The following SOX9 variants were observed in gnomAD, a reference collection of about 807,000 sequenced individuals.
SOX9 encodes SRY-box transcription factor 9, also known as transcription factor SOX-9.
SOX9 carries 2 observed loss-of-function variants against 44.8 expected under a neutral mutation model. That is an observed-to-expected ratio of 0.04 (90% CI 0.02 to 0.14). The LOEUF (loss-of-function observed/expected upper bound fraction) is 0.14. Among genes scored for constraint, SOX9 ranks in the 10% least tolerant of loss-of-function variants. SOX9 has a pLI of 1.00. For missense variants in SOX9, 583 were observed against 728.6 expected (o/e 0.80, Z 2.30); for synonymous variants, 381 against 331.8 (o/e 1.15, Z -1.61).
In SOX9 at chr17:72,126,133, G is replaced by C. The variant is rs1487906812; in HGVS notation, c.*1746G>C. Reference sequence around the variant, plus strand: ...GATATATTAACAGTTTTAGAAGTCAGTAGAATAAAATCTTAAAGCACTCAT... The same window carrying C: ...GATATATTAACAGTTTTAGAAGTCACTAGAATAAAATCTTAAAGCACTCAT... On this transcript the variant is annotated 3_prime_UTR_variant, in exon 3 of 3. Transcript: ENST00000245479. 3 of 232,140 alleles carry C rather than the reference G, an allele frequency of 1.3e-5. No individual in the cohort carries two copies. The Admixed American group carries it at 1.7e-4, about 13-fold the overall frequency. The allele number at this position is 232,140 out of a possible 1,614,324, so 14.4% of individuals were successfully genotyped here.
At position 72,121,075 on chromosome 17, in the gene SOX9, C is replaced by G; in HGVS notation, c.-317C>G. 2 of 548,640 alleles carry G rather than the reference C, an allele frequency of 3.6e-6. No individual in the cohort carries two copies. Among genetic ancestry groups the G allele is most frequent in the Non-Finnish European group, 3.2e-6 (1 of 314,746 alleles). 34.0% of individuals were successfully genotyped at this position (548,640 alleles called of 1,614,324 possible). A position where few individuals can be genotyped will look rare whatever the true frequency, so the allele number is the denominator to read the frequency against. On this transcript the variant is annotated 5_prime_UTR_variant, in exon 1 of 3. Transcript: ENST00000245479. The surrounding 1 kb of genome is among the most constrained non-coding windows in gnomAD (Gnocchi z 8.3). ...TGGAAACTTCAGTGGCGCGGAGACT[C>G]GCCAGTTTCAACCCCGGAAACTTTT...
rs1010275837 is a variant in SOX9, at chr17:72,121,511, C to T, written c.120C>T (p.Gly40=). The part of the protein sequence containing the change: ...SAGSPCPSGS[G]SDTENTRPQE... ...GCTCGCCCTGCCCGTCGGGCTCCGG[C>T]TCGGACACCGAGAACACGCGGCCCC... Residue 40 remains glycine (G), a synonymous_variant, in exon 1 of 3, where the codon GGC becomes GGT. Coordinates refer to ENST00000245479, the MANE Select transcript of SOX9 (RefSeq NM_000346.4). The surrounding 1 kb of genome is among the most constrained non-coding windows in gnomAD (Gnocchi z 8.3). 2 of 1,609,870 alleles carry T rather than the reference C, an allele frequency of 1.2e-6. No homozygotes were observed. The highest frequency in any genetic ancestry group is 1.3e-5 in the African/African-American group (1 of 74,998).
Position 72,121,080 on chromosome 17 carries a change from G to A in SOX9, c.-312G>A. 1.8e-6 allele frequency: 1 copy of A among 550,044 alleles called. No individual in the cohort carries two copies. The highest frequency in any genetic ancestry group is 3.2e-6 in the Non-Finnish European group (1 of 315,322). 34.1% of individuals were successfully genotyped at this position (550,044 alleles called of 1,614,324 possible). ...ACTTCAGTGGCGCGGAGACTCGCCA[G>A]TTTCAACCCCGGAAACTTTTCTTTG... On this transcript the variant is annotated 5_prime_UTR_variant, in exon 1 of 3. Transcript: ENST00000245479. This position sits in a 1 kb window ranked among gnomAD's most constrained non-coding sequence, Gnocchi z 8.3.
rs771370458 is a variant in SOX9 at position 72,123,993 on chromosome 17, C to A, written c.1136C>A (p.Ala379Glu). 5.0e-6 allele frequency: 8 copies of A among 1,598,104 alleles called. No individual in the cohort carries two copies. Among genetic ancestry groups the A allele is most frequent in the East Asian group, 2.2e-5 (1 of 44,492 alleles). The change falls in exon 3 of 3, where the codon GCG (alanine) becomes GAG (glutamate). Residue 379 changes from alanine (A) to glutamate (E), a missense_variant. Ala to Glu is a moderately radical substitution (Grantham distance 107). Coordinates refer to ENST00000245479, the MANE Select transcript of SOX9 (RefSeq NM_000346.4). The surrounding 1 kb of genome is among the most constrained non-coding windows in gnomAD (Gnocchi z 6.5). ...QPAAPPQQPQAHTLTTLSSEP... is the reference protein window; with the variant it reads ...QPAAPPQQPQEHTLTTLSSEP... ...GCGGCACCCCCGCAGCAGCCACAGG[C>A]GCACACGCTGACCACGCTGAGCAGC...
At position 72,123,976 on chromosome 17, in the gene SOX9, C is replaced by T. The variant is rs768567565; in HGVS notation, c.1119C>T (p.Pro373=). The part of the protein sequence containing the change: ...QAAPPQQPAA[P]PQQPQAHTLT... ...CGCCCCCACAGCAGCCGGCGGCACC[C>T]CCGCAGCAGCCACAGGCGCACACGC... Residue 373 remains proline, a synonymous_variant, in exon 3 of 3, where the codon CCC becomes CCT. Transcript: ENST00000245479. The surrounding 1 kb of genome is among the most constrained non-coding windows in gnomAD (Gnocchi z 6.5). The T allele has an allele frequency of 1.7e-5, 25 of 1,512,840 alleles. No homozygotes were observed. The highest frequency in any genetic ancestry group is 2.2e-5 in the Non-Finnish European group (25 of 1,133,884). 93.7% of individuals were successfully genotyped at this position (1,512,840 alleles called of 1,614,324 possible). A position where few individuals can be genotyped will look rare whatever the true frequency, so the allele number is the denominator to read the frequency against.
Position 72,123,793 on chromosome 17 carries a change from G to C in SOX9, c.936G>C (p.Gln312His), listed in dbSNP as rs2143252549. The change falls in exon 3 of 3, where the codon CAG becomes CAC. Residue 312 changes from glutamine (Q) to histidine (H), a missense_variant. This residue lies in a region of SOX9 where 349 missense variants were observed against 387.0 expected (regional missense o/e 0.90). Transcript: ENST00000245479. This position sits in a 1 kb window ranked among gnomAD's most constrained non-coding sequence, Gnocchi z 6.5. ...CGGGGGTGCCGGCCACGCACGGCCA[G>C]GTCACCTACACGGGCAGCTACGGCA... Reference protein sequence around the residue: ...GHPGVPATHGQVTYTGSYGIS... With the variant: ...GHPGVPATHGHVTYTGSYGIS... 6.2e-7 allele frequency: 1 copy of C among 1,612,810 alleles called. No individual in the cohort carries two copies. Among genetic ancestry groups the C allele is most frequent in the South Asian group, 1.1e-5 (1 of 91,060 alleles).
Position 72,123,474 on chromosome 17 carries a change from G to A in SOX9, c.686-69G>A, listed in dbSNP as rs2143249531. 8 of 1,606,522 alleles carry A rather than the reference G, an allele frequency of 5.0e-6. No homozygotes were observed. The highest frequency in any genetic ancestry group is 6.8e-6 in the Non-Finnish European group (8 of 1,174,552). On this transcript the variant is annotated intron_variant, in intron 2 of 2. Transcript: ENST00000245479. This position sits in a 1 kb window ranked among gnomAD's most constrained non-coding sequence, Gnocchi z 6.5. ...AGCAGCGAGGGAGGGTCCCCGGAGG[G>A]TGCCTAAGACTAGGGCGTCTGCACA... is the stretch of plus-strand genomic sequence containing the variant.
chr17:72,125,101 C>T lies in SOX9; in HGVS notation c.*714C>T, dbSNP rs1472884965. The stretch of plus-strand genomic sequence containing the variant: ...ACTTTGCTTAATTCCTCAGGCTTTG[C>T]GATTTAAGGAGGAGCTGCCTTAAAA... On this transcript the variant is annotated 3_prime_UTR_variant, in exon 3 of 3. Transcript: ENST00000245479. 4.5e-6 allele frequency: 1 copy of T among 224,418 alleles called. No homozygotes were observed. Among genetic ancestry groups the T allele is most frequent in the African/African-American group, 2.2e-5 (1 of 44,704 alleles). The allele number at this position is 224,418 out of a possible 1,614,324, so 13.9% of individuals were successfully genotyped here.
rs145813713 is a variant in SOX9 at position 72,124,722 on chromosome 17, G to C, written c.*335G>C. 1 of 471,824 alleles carries C rather than the reference G, an allele frequency of 2.1e-6. No individual in the cohort carries two copies. Among genetic ancestry groups the C allele is most frequent in the East Asian group, 3.7e-5 (1 of 26,848 alleles). The allele number at this position is 471,824 out of a possible 1,614,324, so 29.2% of individuals were successfully genotyped here. A position where few individuals can be genotyped will look rare whatever the true frequency, so the allele number is the denominator to read the frequency against. ...CAAGCGTGGAGGATGATGGAGAATC[G>C]TGTGATCAGTGTGCTAAATCTCTCT... is the stretch of plus-strand genomic sequence containing the variant. On this transcript the variant is annotated 3_prime_UTR_variant, in exon 3 of 3. Transcript: ENST00000245479. This position sits in a 1 kb window ranked among gnomAD's most constrained non-coding sequence, Gnocchi z 4.6.
In SOX9 at chr17:72,121,501, C is replaced by T. The variant is rs2143237158; in HGVS notation, c.110C>T (p.Ser37Leu). 2 of 1,610,058 alleles carry T rather than the reference C, an allele frequency of 1.2e-6. No individual in the cohort carries two copies. The highest frequency in any genetic ancestry group is 2.2e-5 in the East Asian group (1 of 44,720). ...GACTCCGCGGGCTCGCCCTGCCCGT[C>T]GGGCTCCGGCTCGGACACCGAGAAC... is the stretch of plus-strand genomic sequence containing the variant. ...SEDSAGSPCP[S>L]GSGSDTENTR... Residue 37 changes from serine (S) to leucine (L), a missense_variant, in exon 1 of 3, where the codon TCG becomes TTG. Coordinates refer to ENST00000245479, the MANE Select transcript of SOX9 (RefSeq NM_000346.4). This position sits in a 1 kb window ranked among gnomAD's most constrained non-coding sequence, Gnocchi z 8.3.
chr17:72,121,061 G>A lies in SOX9; in HGVS notation c.-331G>A. 3.7e-6 allele frequency: 2 copies of A among 544,288 alleles called. No individual in the cohort carries two copies. The highest frequency in any genetic ancestry group is 6.4e-6 in the Non-Finnish European group (2 of 313,016). 33.7% of individuals were successfully genotyped at this position (544,288 alleles called of 1,614,324 possible). On this transcript the variant is annotated 5_prime_UTR_variant, in exon 1 of 3. The change creates a new upstream start codon in the 5' untranslated region. Coordinates refer to ENST00000245479, the MANE Select transcript of SOX9 (RefSeq NM_000346.4). The surrounding 1 kb of genome is among the most constrained non-coding windows in gnomAD (Gnocchi z 8.3). ...AGCTCGAAACTGACTGGAAACTTCA[G>A]TGGCGCGGAGACTCGCCAGTTTCAA... is the stretch of plus-strand genomic sequence containing the variant.
In SOX9 at chr17:72,123,639, A is replaced by C. The variant is rs1908179907; in HGVS notation, c.782A>C (p.Glu261Ala). 2 of 1,613,456 alleles carry C rather than the reference A, an allele frequency of 1.2e-6. No homozygotes were observed. Among genetic ancestry groups the C allele is most frequent in the East Asian group, 2.2e-5 (1 of 44,834 alleles). The change falls in exon 3 of 3, where the codon GAG becomes GCG. Residue 261 changes from glutamate to alanine, a missense_variant. Physicochemically the swap from Glu to Ala is moderately radical, Grantham distance 107. Around this residue, in one of 7 missense-constraint regions of SOX9, gnomAD observed 349 missense variants for 387.0 expected, o/e 0.90. Coordinates refer to ENST00000245479, the MANE Select transcript of SOX9 (RefSeq NM_000346.4). The surrounding 1 kb of genome is among the most constrained non-coding windows in gnomAD (Gnocchi z 6.5). ...DLKREGRPLP[E>A]GGRQPPIDFR... The stretch of plus-strand genomic sequence containing the variant: ...AAGCGAGAGGGGCGCCCCTTGCCAG[A>C]GGGGGGCAGACAGCCCCCTATCGAC...
At position 72,123,855 on chromosome 17, in the gene SOX9, A is replaced by G. The variant is rs1293001310; in HGVS notation, c.998A>G (p.His333Arg). 1 of 1,585,522 alleles carries G rather than the reference A, an allele frequency of 6.3e-7. No homozygotes were observed. The highest frequency in any genetic ancestry group is 1.1e-5 in the South Asian group (1 of 89,292). ...STAATPASAG[H>R]VWMSKQQAPP... The stretch of plus-strand genomic sequence containing the variant: ...GCGGCCACCCCGGCGAGCGCGGGCC[A>G]CGTGTGGATGTCCAAGCAGCAGGCG... Residue 333 changes from histidine (H) to arginine (R), a missense_variant, in exon 3 of 3, where the codon CAC becomes CGC. His to Arg is a conservative substitution (Grantham distance 29). This residue lies in a region of SOX9 where 349 missense variants were observed against 387.0 expected (regional missense o/e 0.90). Coordinates refer to ENST00000245479, the MANE Select transcript of SOX9 (RefSeq NM_000346.4). The surrounding 1 kb of genome is among the most constrained non-coding windows in gnomAD (Gnocchi z 6.5).
rs1882580642 is a variant in SOX9, at chr17:72,123,307, T to G, written c.686-236T>G. Among the ~76,000 whole-genome samples, 1 of 152,146 alleles carries G rather than the reference T, an allele frequency of 6.6e-6. No homozygotes were observed. Among genetic ancestry groups the G allele is most frequent in the Non-Finnish European group, 1.5e-5 (1 of 68,026 alleles). Reference sequence around the variant, plus strand: ...CACAGGGCTCTTACACAAGTAGCAATTAGGTCTTCCGGACCCTCCGGGCCC... The same window carrying G: ...CACAGGGCTCTTACACAAGTAGCAAGTAGGTCTTCCGGACCCTCCGGGCCC... On this transcript the variant is annotated intron_variant, in intron 2 of 2. Coordinates refer to ENST00000245479, the MANE Select transcript of SOX9 (RefSeq NM_000346.4). This position sits in a 1 kb window ranked among gnomAD's most constrained non-coding sequence, Gnocchi z 6.5.
At position 72,125,446 on chromosome 17, in the gene SOX9, T is replaced by G. The variant is rs770860846; in HGVS notation, c.*1059T>G. Reference sequence around the variant, plus strand: ...ATGTGGAAGGCAGATGCCTGCTCGCTCTGTCACCTGTGCCTCTCAGAACAC... The same window carrying G: ...ATGTGGAAGGCAGATGCCTGCTCGCGCTGTCACCTGTGCCTCTCAGAACAC... On this transcript the variant is annotated 3_prime_UTR_variant, in exon 3 of 3. Coordinates refer to ENST00000245479, the MANE Select transcript of SOX9 (RefSeq NM_000346.4). 1 of 228,398 alleles carries G rather than the reference T, an allele frequency of 4.4e-6. No homozygotes were observed. The highest frequency in any genetic ancestry group is 8.7e-6 in the Non-Finnish European group (1 of 115,148). 14.1% of individuals were successfully genotyped at this position (228,398 alleles called of 1,614,324 possible).
chr17:72,123,932 C>T lies in SOX9; in HGVS notation c.1075C>T (p.Pro359Ser), dbSNP rs1217457548. ...PPQAPPAPQA[P>S]PQPQAAPPQQ... The stretch of plus-strand genomic sequence containing the variant: ...ACAGGCCCCGCCGGCCCCGCAGGCG[C>T]CCCCGCAGCCGCAGGCGGCGCCCCC... The change falls in exon 3 of 3, where the codon CCC becomes TCC. Residue 359 changes from proline to serine, a missense_variant. Transcript: ENST00000245479. The surrounding 1 kb of genome is among the most constrained non-coding windows in gnomAD (Gnocchi z 6.5). 1 of 1,297,372 alleles carries T rather than the reference C, an allele frequency of 7.7e-7. No individual in the cohort carries two copies. Among genetic ancestry groups the T allele is most frequent in the Non-Finnish European group, 9.7e-7 (1 of 1,030,740 alleles). The allele number at this position is 1,297,372 out of a possible 1,614,324, so 80.4% of individuals were successfully genotyped here.
Position 72,121,286 on chromosome 17 carries a change from C to A in SOX9, c.-106C>A. ...CGCCAGCTTCCCCGGGAGCCGCTTGCTCCGCATCCGGGCAGCCGAGGGGAG... is the reference window on the plus strand; with the variant it reads ...CGCCAGCTTCCCCGGGAGCCGCTTGATCCGCATCCGGGCAGCCGAGGGGAG... On this transcript the variant is annotated 5_prime_UTR_variant, in exon 1 of 3. Coordinates refer to ENST00000245479, the MANE Select transcript of SOX9 (RefSeq NM_000346.4). This position sits in a 1 kb window ranked among gnomAD's most constrained non-coding sequence, Gnocchi z 8.3. The A allele has an allele frequency of 9.3e-7, 1 of 1,070,954 alleles. No homozygotes were observed. 66.3% of individuals were successfully genotyped at this position (1,070,954 alleles called of 1,614,324 possible).
In SOX9 at chr17:72,124,334, C is replaced by T. The variant is rs2143258644; in HGVS notation, c.1477C>T (p.His493Tyr). ...TSGVPSIPQTHSPQHWEQPVY... is the reference protein window; with the variant it reads ...TSGVPSIPQTYSPQHWEQPVY... ...TGGGGTCCCTTCCATCCCGCAGACCCACAGCCCCCAGCACTGGGAACAACC... is the reference window on the plus strand; with the variant it reads ...TGGGGTCCCTTCCATCCCGCAGACCTACAGCCCCCAGCACTGGGAACAACC... The change falls in exon 3 of 3, where the codon CAC (histidine) becomes TAC (tyrosine). Residue 493 changes from histidine (H) to tyrosine (Y), a missense_variant. Coordinates refer to ENST00000245479, the MANE Select transcript of SOX9 (RefSeq NM_000346.4). The surrounding 1 kb of genome is among the most constrained non-coding windows in gnomAD (Gnocchi z 4.6). 6.2e-7 allele frequency: 1 copy of T among 1,602,668 alleles called. No homozygotes were observed. Among genetic ancestry groups the T allele is most frequent in the Middle Eastern group, 1.7e-4 (1 of 6,060 alleles).
At position 72,123,386 on chromosome 17, in the gene SOX9, A is replaced by G. The variant is rs1467387157; in HGVS notation, c.686-157A>G. On this transcript the variant is annotated intron_variant, in intron 2 of 2. Coordinates refer to ENST00000245479, the MANE Select transcript of SOX9 (RefSeq NM_000346.4). This position sits in a 1 kb window ranked among gnomAD's most constrained non-coding sequence, Gnocchi z 6.5. Reference sequence around the variant, plus strand: ...TCCAGTGTGTACCGGCGGGTTAATCATTGGGCGACTTATCTCCGGTGCAGC... The same window carrying G: ...TCCAGTGTGTACCGGCGGGTTAATCGTTGGGCGACTTATCTCCGGTGCAGC... Among the ~76,000 whole-genome samples, 2 of 152,072 alleles carry G rather than the reference A, an allele frequency of 1.3e-5. No individual in the cohort carries two copies. The highest frequency in any genetic ancestry group is 1.9e-4 in the East Asian group (1 of 5,138).
Sources: gnomAD v4.1 joint callset for allele counts (sites outside exome capture counted in the v4.1 genomes callset) on GRCh38, gnomAD v4.1.1 for gene constraint, gnomAD v4.1.1 regional missense constraint, Gnocchi (gnomAD v3.1) non-coding constraint, MANE v1.5 for transcripts, NCBI Gene and HGNC (gene_info 2026-07-23, HGNC 2026-07-21) for gene names.